HERC4: variants seen among roughly 807,000 people sequenced by gnomAD.
The protein encoded by HERC4 is probable E3 ubiquitin-protein ligase HERC4.
Under a neutral mutation model 124.3 loss-of-function variants are expected in HERC4, and 28 were observed. That is an observed-to-expected ratio of 0.23 (90% confidence interval 0.17 to 0.31). The LOEUF (loss-of-function observed/expected upper bound fraction) is 0.31. Ranked by LOEUF, HERC4 falls within the 10% of genes least tolerant of loss-of-function variation. The pLI is 1.00. For missense variants in HERC4, 713 were observed against 1,229.3 expected, an observed-to-expected ratio of 0.58 and a Z score of 6.28; for synonymous variants, 407 against 421.5, an observed-to-expected ratio of 0.97 and a Z score of 0.42.
At chr10:68,053,966 C>T (rs1331773215) in intron 3 of HERC4, among the ~76,000 whole-genome samples, 2 of 152,070 alleles carry the variant, frequency 1.3e-5, no homozygotes, top group African/African-American at 2.4e-5. Context: ...TGTCAAATAC[C>T]TATTTTAAAG....
At chr10:68,050,810 A>T (rs1360978814) in intron 3 of HERC4, among the ~76,000 whole-genome samples, 1 of 152,176 alleles carries the variant, frequency 6.6e-6, no homozygotes, top group Non-Finnish European at 1.5e-5. Flanking sequence ...TCAAATCAAG[A>T]TGGCCTAAAA....
At position 67,927,401 on chromosome 10, in the gene HERC4, TATATATATATATATATATATA is replaced by T. The variant is rs1564910502; in HGVS notation, c.2839-2235_2839-2215del. Reference sequence around the variant, plus strand: ...CACCATATATATATATATATATATATATATATATATATATATATATATATATATATTTTTTTTTTTTTTTAG... The same window carrying T: ...CACCATATATATATATATATATATATTATATATATTTTTTTTTTTTTTTAG... On this transcript the variant is annotated intron_variant, in intron 23 of 24. Transcript: ENST00000373700. Among the ~76,000 whole-genome samples, 12 of 8,400 alleles carry T rather than the reference TATATATATATATATATATATA, an allele frequency of 1.4e-3. 1 individual carries two copies. The highest frequency in any genetic ancestry group is 3.5e-3 in the African/African-American group (11 of 3,168). The allele number at this position is 8,400 out of a possible 152,430, so 5.5% of individuals were successfully genotyped here. A position where few individuals can be genotyped will look rare whatever the true frequency, so the allele number is the denominator to read the frequency against.
At chr10:67,941,234 C>T (rs1478354162) in intron 19 of HERC4, 129 bp from the exon 20 acceptor site, 1 of 575,812 alleles carries the variant, frequency 1.7e-6, no homozygotes, top group African/African-American at 2.0e-5. Context: ...AAAGTTCATC[C>T]TCATTACTGT....
chr10:67,933,286 T>C (rs1197889615), intron 22 of HERC4, among the ~76,000 whole-genome samples: 1 of 152,156 alleles, frequency 6.6e-6, no homozygotes, highest in Non-Finnish European at 1.5e-5. Context: ...TAAGCATTCT[T>C]TTAGGATAAT....
At chr10:67,940,399 T>C (rs947277662) in intron 20 of HERC4, among the ~76,000 whole-genome samples, 6 of 151,884 alleles carry the variant, frequency 4.0e-5, no homozygotes, top group African/African-American at 1.5e-4. Context: ...TTGCAAGGTA[T>C]TGTCAAACAA....
At chr10:68,064,578 G>A (rs866002579) in intron 3 of HERC4, among the ~76,000 whole-genome samples, 32 of 118,504 alleles carry the variant, frequency 2.7e-4, no homozygotes, top group African/African-American at 5.8e-4. Flanking sequence ...AAAAAAAAAA[G>A]AGAGAGAGAG....
chr10:67,976,158 T>G (rs2035577613), intron 15 of HERC4, among the ~76,000 whole-genome samples: 1 of 152,186 alleles, frequency 6.6e-6, no homozygotes, highest in African/African-American at 2.4e-5. Context: ...ATAAAATACT[T>G]ACTATCTGGT....
intron 19 of HERC4, among the ~76,000 whole-genome samples, chr10:67,947,725 T>C (rs2033478762): frequency 6.6e-6 from 1 of 151,490 alleles, no homozygotes; most frequent in South Asian, 2.1e-4. Context: ...CAATAAATTT[T>C]AAAAAGACTA....
chr10:68,031,904 G>C (rs1048886897), intron 7 of HERC4, among the ~76,000 whole-genome samples: 1 of 151,862 alleles, frequency 6.6e-6, no homozygotes, highest in Non-Finnish European at 1.5e-5. Flanking sequence ...GGTGCCTGCC[G>C]CCATGCCCAG....
rs182475727 is a variant in HERC4, at chr10:68,003,179, C to T, written c.1070-10497G>A. Among the ~76,000 whole-genome samples the T allele has an allele frequency of 3.2e-3, 487 of 150,124 alleles. 5 individuals are homozygous for T. Among genetic ancestry groups the T allele is most frequent in the African/African-American group, 0.011 (455 of 40,922 alleles). On this transcript the variant is annotated intron_variant, in intron 9 of 24. Transcript: ENST00000373700. The stretch of plus-strand genomic sequence containing the variant: ...TTTTTATACTTTTTTTTTTTTGAGA[C>T]GGAGTCTTGCTCTGTCACCTAGGCT...
At chr10:68,024,840 T>C (rs549344853) in intron 8 of HERC4, among the ~76,000 whole-genome samples, 8 of 152,304 alleles carry the variant, frequency 5.3e-5, no homozygotes, top group African/African-American at 1.9e-4. Context: ...GACTCTTCTA[T>C]TTATTCCCAA....
chr10:68,044,909 T>A (rs1162069051), intron 3 of HERC4, among the ~76,000 whole-genome samples: 1 of 151,684 alleles, frequency 6.6e-6, no homozygotes, highest in Non-Finnish European at 1.5e-5. Context: ...AATAAAAGAG[T>A]CCAGGTGAAA....
intron 13 of HERC4, 131 bp from the exon 14 acceptor site, chr10:67,990,531 G>C: frequency 3.8e-6 from 2 of 523,078 alleles, no homozygotes; most frequent in Non-Finnish European, 6.5e-6. Flanking sequence ...ATGAAATGGT[G>C]AAGAAGAAAA....
chr10:68,014,754 A>T (rs1288453978), intron 8 of HERC4, among the ~76,000 whole-genome samples: 1 of 152,176 alleles, frequency 6.6e-6, no homozygotes, highest in East Asian at 1.9e-4. Flanking sequence ...CTAAGAAACC[A>T]CAGATCTGAA....
intron 20 of HERC4, among the ~76,000 whole-genome samples, chr10:67,939,963 G>A (rs1288200879): frequency 3.3e-5 from 5 of 151,888 alleles, no homozygotes; most frequent in African/African-American, 1.2e-4. Flanking sequence ...GTCTTGCTCT[G>A]TCGCCCAGGC....
intron 19 of HERC4, among the ~76,000 whole-genome samples, chr10:67,944,156 G>A (rs1284157066): frequency 6.6e-6 from 1 of 152,230 alleles, no homozygotes; most frequent in Non-Finnish European, 1.5e-5. Flanking sequence ...ACCCAGTGCT[G>A]TGCTGGCTTC....
intron 15 of HERC4, among the ~76,000 whole-genome samples, chr10:67,980,522 T>C (rs1452663347): frequency 6.6e-6 from 1 of 152,162 alleles, no homozygotes; most frequent in Non-Finnish European, 1.5e-5. Flanking sequence ...AATGGAGGTC[T>C]TCAATCTGAA....
At chr10:67,924,638 T>C (rs1589099843) in intron 24 of HERC4, among the ~76,000 whole-genome samples, 1 of 152,212 alleles carries the variant, frequency 6.6e-6, no homozygotes, top group East Asian at 1.9e-4. Context: ...AGATTTAAAG[T>C]ATAAGGATAT....
intron 17 of HERC4, chr10:67,956,609 T>A: frequency 4.3e-6 from 1 of 230,852 alleles, no homozygotes; most frequent in East Asian, 8.5e-5. Flanking sequence ...AAACGGTTTA[T>A]AAAGATTGAA....
Sources: allele counts gnomAD v4.1 joint callset (sites outside exome capture counted in the v4.1 genomes callset), GRCh38; gene constraint gnomAD v4.1.1; transcripts MANE v1.5; gene names NCBI Gene and HGNC (gene_info 2026-07-23, HGNC 2026-07-21).